ADAMTSL1: variants seen among roughly 807,000 people sequenced by gnomAD.
ADAMTSL1 encodes ADAMTS-like protein 1.
In ADAMTSL1, 126 loss-of-function variants were observed where a neutral mutation model predicts 201.8. The observed-to-expected ratio is 0.62, with a 90% CI of 0.54 to 0.72. The LOEUF (loss-of-function observed/expected upper bound fraction) is 0.72. ADAMTSL1 is among the 30% of genes least tolerant of loss of function. The pLI is 0.00. For synonymous variants in ADAMTSL1, 1,121 were observed against 903.4 expected, an observed-to-expected ratio of 1.24 and a Z score of -4.32; for missense variants, 2,679 against 2,277.8, an observed-to-expected ratio of 1.18 and a Z score of -3.59.
At chr9:18,193,684 A>G (rs1829060341) in intron 2 of ADAMTSL1, among the ~76,000 whole-genome samples, 2 of 152,170 alleles carry the variant, frequency 1.3e-5, no homozygotes, top group African/African-American at 4.8e-5. Flanking sequence ...AAGGGAAAGG[A>G]CAGGCCGTCT....
intron 2 of ADAMTSL1, among the ~76,000 whole-genome samples, chr9:18,180,758 C>A (rs1006554590): frequency 2.0e-5 from 3 of 152,118 alleles, no homozygotes; most frequent in Admixed American, 1.3e-4. Context: ...CTACCAATGA[C>A]TTTCTTCACA....
chr9:18,801,567 C>T (rs747927781), intron 20 of ADAMTSL1, among the ~76,000 whole-genome samples: 1 of 152,116 alleles, frequency 6.6e-6, no homozygotes, highest in Non-Finnish European at 1.5e-5. Flanking sequence ...GTCTGTTGTT[C>T]CCCCTTCTTC....
chr9:18,832,521 C>T (rs1825052620), intron 23 of ADAMTSL1, among the ~76,000 whole-genome samples: 1 of 152,140 alleles, frequency 6.6e-6, no homozygotes, highest in South Asian at 2.1e-4. Context: ...ATCTGGTATT[C>T]TGTAGGAATA....
chr9:18,002,949 C>T (rs910184203), intron 1 of ADAMTSL1, among the ~76,000 whole-genome samples: 6 of 152,010 alleles, frequency 3.9e-5, no homozygotes, highest in Non-Finnish European at 4.4e-5. Flanking sequence ...CCACTGCCAA[C>T]CTTTGACCTT....
chr9:18,829,969 C>T lies in ADAMTSL1; in HGVS notation c.4241C>T (p.Ala1414Val), dbSNP rs1824871238. 12 of 1,610,438 alleles carry T rather than the reference C, an allele frequency of 7.5e-6. No individual in the cohort carries two copies. The East Asian group carries it at 2.7e-4, about 36-fold the overall frequency. ...TQLVLDPGNS[A>V]LLGCPIKGHP... ...CTGGTCCTGGATCCTGGGAATTCTG[C>T]TCTCCTTGGTGAGTCTAACCCTCGG... The change falls in exon 23 of 29, where the codon GCT (alanine) becomes GTT (valine). Residue 1414 changes from alanine to valine, a missense_variant. Transcript: ENST00000380548.
chr9:17,985,088 A>G (rs966408682), intron 1 of ADAMTSL1, among the ~76,000 whole-genome samples: 2 of 152,174 alleles, frequency 1.3e-5, no homozygotes, highest in African/African-American at 2.4e-5. Context: ...AGTTCTTCCA[A>G]GTACCGTCAC....
chr9:18,678,507 T>C (rs1332332796), intron 10 of ADAMTSL1, among the ~76,000 whole-genome samples: 1 of 152,142 alleles, frequency 6.6e-6, no homozygotes, highest in African/African-American at 2.4e-5. Flanking sequence ...TAATATTGCC[T>C]CATTTGTCTT....
chr9:18,823,649 T>G (rs958995484), intron 21 of ADAMTSL1, among the ~76,000 whole-genome samples: 2 of 152,146 alleles, frequency 1.3e-5, no homozygotes, highest in African/African-American at 4.8e-5. Context: ...AGGCAGTAAG[T>G]GCTGCATGTG....
At chr9:18,649,469 T>A (rs1828054909) in intron 7 of ADAMTSL1, among the ~76,000 whole-genome samples, 1 of 152,058 alleles carries the variant, frequency 6.6e-6, no homozygotes, top group African/African-American at 2.4e-5. Flanking sequence ...GTGCTCTGAT[T>A]TTTAGAGTTT....
At chr9:18,074,704 C>T (rs1823135179) in intron 1 of ADAMTSL1, among the ~76,000 whole-genome samples, 2 of 152,042 alleles carry the variant, frequency 1.3e-5, no homozygotes, top group Admixed American at 1.3e-4. Context: ...GATTCTCCTG[C>T]CTCAGCCTCC....
At chr9:18,123,575 C>A (rs765614176) in intron 1 of ADAMTSL1, among the ~76,000 whole-genome samples, 14 of 152,088 alleles carry the variant, frequency 9.2e-5, no homozygotes, top group Admixed American at 5.9e-4. Context: ...CTTCAGAGAT[C>A]TCAGATAACT....
intron 2 of ADAMTSL1, among the ~76,000 whole-genome samples, chr9:18,280,209 A>G (rs1832732162): frequency 6.6e-6 from 1 of 150,724 alleles, no homozygotes; most frequent in African/African-American, 2.4e-5. Context: ...TGCCAGTCTG[A>G]TGCTGGGGTG....
At chr9:18,238,478 GTC>G (rs1830934890) in intron 2 of ADAMTSL1, among the ~76,000 whole-genome samples, 1 of 152,102 alleles carries the variant, frequency 6.6e-6, no homozygotes, top group Non-Finnish European at 1.5e-5. Flanking sequence ...CTGGGTGCCA[GTC>G]TGTGTACTGT....
intron 2 of ADAMTSL1, among the ~76,000 whole-genome samples, chr9:18,246,145 C>T (rs1355399957): frequency 1.3e-5 from 2 of 152,238 alleles, no homozygotes; most frequent in African/African-American, 2.4e-5. Flanking sequence ...ACCGTGTCAT[C>T]CTCGAGCCAT....
chr9:18,037,422 G>T (rs1008737694), intron 1 of ADAMTSL1, among the ~76,000 whole-genome samples: 2 of 152,114 alleles, frequency 1.3e-5, no homozygotes, highest in Non-Finnish European at 2.9e-5. Context: ...TAGAGATGGA[G>T]CCCTTACTCA....
At chr9:17,954,472 AT>A (rs2131380931) in intron 1 of ADAMTSL1, among the ~76,000 whole-genome samples, 1 of 152,296 alleles carries the variant, frequency 6.6e-6, no homozygotes, top group African/African-American at 2.4e-5. Flanking sequence ...CTTCTATTTC[AT>A]TGCATATTTT....
intron 2 of ADAMTSL1, among the ~76,000 whole-genome samples, chr9:18,216,585 G>C (rs1830063048): frequency 2.0e-5 from 3 of 151,216 alleles, no homozygotes; most frequent in African/African-American, 7.3e-5. Context: ...AGTGGAGCCA[G>C]CATAAGCCAG....
chr9:18,422,899 C>G (rs1819027089), intron 2 of ADAMTSL1, among the ~76,000 whole-genome samples: 1 of 152,184 alleles, frequency 6.6e-6, no homozygotes, highest in South Asian at 2.1e-4. Context: ...AACTTGCCCT[C>G]TAACATTCTT....
At chr9:18,563,859 C>A (rs1243145339) in intron 3 of ADAMTSL1, among the ~76,000 whole-genome samples, 1 of 152,162 alleles carries the variant, frequency 6.6e-6, no homozygotes, top group African/African-American at 2.4e-5. Flanking sequence ...GACGCCCCTA[C>A]CCCCACCAAG....
Sources: allele counts gnomAD v4.1 joint callset (sites outside exome capture counted in the v4.1 genomes callset), GRCh38; gene constraint gnomAD v4.1.1; transcripts MANE v1.5; gene names NCBI Gene and HGNC (gene_info 2026-07-23, HGNC 2026-07-21).